The following BRD1 variants were observed in gnomAD, a reference collection of about 807,000 sequenced individuals.
BRD1 encodes bromodomain containing 1.
In BRD1, 24 loss-of-function variants were observed where a neutral mutation model predicts 107.7. The observed-to-expected ratio is 0.22, with a 90% confidence interval of 0.16 to 0.31. BRD1 has a LOEUF of 0.31. Among genes scored for constraint, BRD1 ranks in the 10% least tolerant of loss-of-function variants. BRD1 has a pLI of 1.00. For synonymous variants in BRD1, 744 were observed against 686.1 expected (o/e 1.08, Z -1.32); for missense variants, 1,279 against 1,638.6 (o/e 0.78, Z 3.79).
chr22:49,791,255 C>A (rs9627767), intron 7 of BRD1, among the ~76,000 whole-genome samples: 2,138 of 152,328 alleles, frequency 0.014, 50 homozygotes, highest in African/African-American at 0.049. Context: ...GTCGCGGCTA[C>A]GGCAGAGCCT....
At chr22:49,775,458 C>T (rs1458110853) in intron 12 of BRD1, 133 bp downstream of exon 12, 5 of 909,212 alleles carry the variant, frequency 5.5e-6, no homozygotes, top group African/African-American at 3.5e-5. Context: ...CAGCGGAGCA[C>T]TCACCTCCGA....
intron 2 of BRD1, among the ~76,000 whole-genome samples, chr22:49,813,440 T>C (rs1159202640): frequency 1.3e-5 from 2 of 151,666 alleles, no homozygotes; most frequent in African/African-American, 4.8e-5. Flanking sequence ...GCCAGGATGA[T>C]CTCAATCTCT....
intron 2 of BRD1, among the ~76,000 whole-genome samples, chr22:49,804,799 C>T (rs973938359): frequency 2.0e-5 from 3 of 151,848 alleles, no homozygotes; most frequent in Admixed American, 6.6e-5. Flanking sequence ...TGGTGTGAGC[C>T]GAAATCGCAC....
intron 2 of BRD1, among the ~76,000 whole-genome samples, chr22:49,814,386 T>C (rs2059911096): frequency 2.0e-5 from 3 of 152,030 alleles, no homozygotes; most frequent in Admixed American, 6.6e-5. Context: ...AGGAAACACA[T>C]GAGACCAGCC....
In BRD1 at chr22:49,824,111, C is replaced by T; in HGVS notation, c.207G>A (p.Glu69=). The T allele has an allele frequency of 6.2e-7, 1 of 1,614,044 alleles. No homozygotes were observed. Among genetic ancestry groups the T allele is most frequent in the Non-Finnish European group, 8.5e-7 (1 of 1,180,034 alleles). Residue 69 remains glutamate, a synonymous_variant, in exon 2 of 13, where the codon GAG becomes GAA. Coordinates refer to ENST00000404760, the MANE Select transcript of BRD1 (RefSeq NM_001304808.3). The surrounding 1 kb of genome is among the most constrained non-coding windows in gnomAD (Gnocchi z 5.9). The part of the protein sequence containing the change: ...IILEDDLTAQ[E]MSECNSNKEN... ...CCTTGTTGCTGTTGCACTCACTCAT[C>T]TCTTGAGCAGTGAGGTCATCTTCCA...
intron 1 of BRD1, among the ~76,000 whole-genome samples, chr22:49,825,038 C>G (rs1221691322): frequency 1.3e-5 from 2 of 152,140 alleles, no homozygotes; most frequent in East Asian, 3.9e-4. Context: ...AGGCCCCAAC[C>G]CCGCTTCTGC....
intron 8 of BRD1, among the ~76,000 whole-genome samples, chr22:49,784,383 C>T (rs1463173543): frequency 1.3e-5 from 2 of 151,996 alleles, no homozygotes; most frequent in Admixed American, 6.6e-5. Flanking sequence ...GCAACGGCGG[C>T]GAGTGGAAGG....
At chr22:49,810,245 G>A (rs934777545) in intron 2 of BRD1, among the ~76,000 whole-genome samples, 1 of 152,182 alleles carries the variant, frequency 6.6e-6, no homozygotes, top group African/African-American at 2.4e-5. Context: ...GTGGCCAGAC[G>A]CGGTGACTCA....
At chr22:49,776,715 G>A (rs527949213) in intron 10 of BRD1, among the ~76,000 whole-genome samples, 3 of 152,226 alleles carry the variant, frequency 2.0e-5, no homozygotes, top group African/African-American at 7.2e-5. Context: ...AGTCCCCTGT[G>A]CAGCTGCAAA....
At chr22:49,785,516 T>C (rs555221956) in intron 8 of BRD1, among the ~76,000 whole-genome samples, 34 of 152,274 alleles carry the variant, frequency 2.2e-4, no homozygotes, top group Non-Finnish European at 4.9e-4. Context: ...ATTTCCGGGG[T>C]GCTTGGAAAA....
chr22:49,823,195 T>C lies in BRD1; in HGVS notation c.1123A>G (p.Thr375Ala). The C allele has an allele frequency of 6.2e-7, 1 of 1,614,186 alleles. No homozygotes were observed. The highest frequency in any genetic ancestry group is 8.5e-7 in the Non-Finnish European group (1 of 1,180,036). Residue 375 changes from threonine to alanine, a missense_variant, in exon 2 of 13, where the codon ACC (threonine) becomes GCC (alanine). This residue lies in a region of BRD1 where 158 missense variants were observed against 310.2 expected (regional missense o/e 0.51). Transcript: ENST00000404760. ...EPVKELTGGG[T>A]TFSVRKTAYC... ...GCGGTCTTTCTGACGGAGAAGGTGGTGCCACCGCCAGTCAGTTCCTTCACG... is the reference window on the plus strand; with the variant it reads ...GCGGTCTTTCTGACGGAGAAGGTGGCGCCACCGCCAGTCAGTTCCTTCACG...
chr22:49,794,152 T>C lies in BRD1; in HGVS notation c.2241A>G (p.Glu747=), dbSNP rs1314926875. The C allele has an allele frequency of 1.2e-6, 2 of 1,614,238 alleles. No individual in the cohort carries two copies. The highest frequency in any genetic ancestry group is 2.7e-5 in the African/African-American group (2 of 75,070). The change falls in exon 7 of 13, where the codon GAA becomes GAG. Residue 747 remains glutamate, a synonymous_variant. Transcript: ENST00000404760. ...RSKRAKLLKK[E]IALLRNKLSQ... ...TCAGCTTGTTTCGGAGAAGGGCAAT[T>C]TCCTTTTTGAGCAGCTTTGCCCGCT...
chr22:49,815,633 G>C (rs1022967405), intron 2 of BRD1, among the ~76,000 whole-genome samples: 4 of 152,096 alleles, frequency 2.6e-5, no homozygotes, highest in Non-Finnish European at 5.9e-5. Context: ...CCTGCACCAG[G>C]AAGGGCTCTG....
rs370245342 is a variant in BRD1 at position 49,823,271 on chromosome 22, T to C, written c.1047A>G (p.Ala349=). 1.1e-5 allele frequency: 17 copies of C among 1,614,086 alleles called. No individual in the cohort carries two copies. Among genetic ancestry groups the C allele is most frequent in the Middle Eastern group, 1.6e-4 (1 of 6,084 alleles). ...IQCHKANCYT[A]FHVTCAQKAG... is the part of the protein sequence containing the mutation. ...CCTTCTGGGCACACGTCACATGGAA[T>C]GCTGTGTAGCAGTTTGCTTTGTGGC... Residue 349 remains alanine (A), a synonymous_variant, in exon 2 of 13, where the codon GCA becomes GCG. Transcript: ENST00000404760.
At position 49,792,074 on chromosome 22, in the gene BRD1, A is replaced by G. The variant is rs529052749; in HGVS notation, c.2359+1960T>C. 1.6e-4 allele frequency among the ~76,000 whole-genome samples: 24 copies of G among 152,258 alleles called. 1 individual carries two copies. In the South Asian group the frequency reaches 4.8e-3, roughly 30 times the overall value. ...CACAGCGGAGGGCCAAGCAGCTCCA[A>G]CCATGCGAGGTCCTCAACCATGCGA... On this transcript the variant is annotated intron_variant, in intron 7 of 12. Transcript: ENST00000404760. This position sits in a 1 kb window ranked among gnomAD's most constrained non-coding sequence, Gnocchi z 4.2.
At chr22:49,819,720 A>G (rs1452702695) in intron 2 of BRD1, among the ~76,000 whole-genome samples, 3 of 151,032 alleles carry the variant, frequency 2.0e-5, no homozygotes, top group African/African-American at 7.3e-5. Flanking sequence ...AAGTGCTGGC[A>G]TTACAGGTGT....
chr22:49,774,177 C>T lies in BRD1; in HGVS notation c.*56G>A. 6.6e-7 allele frequency: 1 copy of T among 1,521,472 alleles called. No homozygotes were observed. Among genetic ancestry groups the T allele is most frequent in the East Asian group, 2.3e-5 (1 of 42,580 alleles). The allele number at this position is 1,521,472 out of a possible 1,614,324, so 94.2% of individuals were successfully genotyped here. On this transcript the variant is annotated 3_prime_UTR_variant, in exon 13 of 13. Coordinates refer to ENST00000404760, the MANE Select transcript of BRD1 (RefSeq NM_001304808.3). ...AATAAGTTAAGTTTTGAACAATATA[C>T]AAACATGTACAGCTTATCAACACTA...
intron 2 of BRD1, among the ~76,000 whole-genome samples, chr22:49,822,361 T>G (rs975639582): frequency 2.1e-5 from 3 of 143,308 alleles, no homozygotes; most frequent in Admixed American, 1.4e-4. Flanking sequence ...GCAGCAGAGG[T>G]TGCAGAGAGC....
chr22:49,816,477 C>T (rs1288492744), intron 2 of BRD1, among the ~76,000 whole-genome samples: 4 of 152,190 alleles, frequency 2.6e-5, no homozygotes, highest in Non-Finnish European at 4.4e-5. Context: ...CTGTGCAGGT[C>T]AACAGCCTGG....
Sources: gnomAD v4.1 joint callset for allele counts (sites outside exome capture counted in the v4.1 genomes callset) on GRCh38, gnomAD v4.1.1 for gene constraint, gnomAD v4.1.1 regional missense constraint, Gnocchi (gnomAD v3.1) non-coding constraint, MANE v1.5 for transcripts, NCBI Gene and HGNC (gene_info 2026-07-23, HGNC 2026-07-21) for gene names.